PRLR: variants seen among roughly 807,000 people sequenced by gnomAD.
PRLR encodes hPRL receptor.
In PRLR, 13 loss-of-function variants were observed where a neutral mutation model predicts 40.2. The observed-to-expected ratio is 0.32, with a 90% confidence interval of 0.21 to 0.51. The LOEUF is 0.51. PRLR is among the 20% of genes least tolerant of loss of function. PRLR has a pLI of 0.97. For missense variants in PRLR, 656 were observed against 747.3 expected (o/e 0.88, Z 1.42); for synonymous variants, 269 against 278.7 (o/e 0.97, Z 0.35).
At chr5:35,119,505 G>A (rs950629794) in intron 1 of PRLR, among the ~76,000 whole-genome samples, 1 of 152,120 alleles carries the variant, frequency 6.6e-6, no homozygotes, top group Admixed American at 6.6e-5. Context: ...AGGGCCATCT[G>A]AGCATAAGAC....
At chr5:35,113,419 AT>A (rs1772807894) in intron 2 of PRLR, among the ~76,000 whole-genome samples, 2 of 145,244 alleles carry the variant, frequency 1.4e-5, no homozygotes, top group African/African-American at 2.6e-5. Context: ...CCATCCATCC[AT>A]CCACCCATCC....
rs114068040 is a variant in PRLR at position 35,202,986 on chromosome 5, G to T, written c.-106+27282C>A. Among the ~76,000 whole-genome samples, 811 of 152,254 alleles carry T rather than the reference G, an allele frequency of 5.3e-3. 10 individuals carry two copies. The highest frequency in any genetic ancestry group is 0.019 in the African/African-American group (769 of 41,548). The stretch of plus-strand genomic sequence containing the variant: ...ATCAAATAGGGACGTGTTGCAAAGT[G>T]AGCCCCCCATTGGCCTTGTTCTTAG... On this transcript the variant is annotated intron_variant, in intron 1 of 9. Coordinates refer to ENST00000618457, the MANE Select transcript of PRLR (RefSeq NM_000949.7).
At chr5:35,223,635 C>A (rs1362547873) in intron 1 of PRLR, among the ~76,000 whole-genome samples, 1 of 152,234 alleles carries the variant, frequency 6.6e-6, no homozygotes. Flanking sequence ...TCTACTTTGT[C>A]TTTCTTAATA....
intron 1 of PRLR, among the ~76,000 whole-genome samples, chr5:35,180,581 TTC>T (rs1775268963): frequency 6.6e-6 from 1 of 151,862 alleles, no homozygotes; most frequent in Non-Finnish European, 1.5e-5. Flanking sequence ...TTCTTTTCTT[TTC>T]CCCCCTTTTT....
In PRLR at chr5:35,058,378, G is replaced by A. The variant is rs1389631905; in HGVS notation, c.*6711C>T. 1.3e-5 allele frequency: 2 copies of A among 152,184 alleles called. No individual in the cohort carries two copies. The highest frequency in any genetic ancestry group is 2.9e-5 in the Non-Finnish European group (2 of 68,030). The allele number at this position is 152,184 out of a possible 1,614,324, so 9.4% of individuals were successfully genotyped here. A position where few individuals can be genotyped will look rare whatever the true frequency, so the allele number is the denominator to read the frequency against. On this transcript the variant is annotated 3_prime_UTR_variant, in exon 10 of 10. Coordinates refer to ENST00000618457, the MANE Select transcript of PRLR (RefSeq NM_000949.7). The stretch of plus-strand genomic sequence containing the variant: ...GGTTTCCACATGAGACTTTTCAATT[G>A]TTTAAAATGAACGATGAAGCACAAA...
At chr5:35,107,824 A>G (rs1772369716) in intron 2 of PRLR, among the ~76,000 whole-genome samples, 1 of 152,170 alleles carries the variant, frequency 6.6e-6, no homozygotes, top group African/African-American at 2.4e-5. Context: ...CATTCCTTCT[A>G]AACTATTCCA....
chr5:35,120,346 G>A (rs1179639864), intron 1 of PRLR, among the ~76,000 whole-genome samples: 1 of 152,140 alleles, frequency 6.6e-6, no homozygotes, highest in Admixed American at 6.5e-5. Flanking sequence ...CTACCCCTGG[G>A]CATGTAAAGA....
downstream of PRLR, among the ~76,000 whole-genome samples, chr5:35,051,962 G>A (rs1003182083): frequency 6.6e-6 from 1 of 152,054 alleles, no homozygotes; most frequent in Non-Finnish European, 1.5e-5. Flanking sequence ...ATAAATAAAG[G>A]GGATTGTATG....
chr5:35,135,271 C>G (rs1043434865), intron 1 of PRLR: 1 of 152,254 alleles, frequency 6.6e-6, no homozygotes, highest in Non-Finnish European at 1.5e-5. Flanking sequence ...AACCAGGGCA[C>G]AAGACACAAA....
chr5:35,209,456 C>T lies in PRLR; in HGVS notation c.-106+20812G>A, dbSNP rs549936236. On this transcript the variant is annotated intron_variant, in intron 1 of 9. Transcript: ENST00000618457. ...GGTAGTCAACAAAAATAAAAAAAAG[C>T]CTTCAAAGAAATCCAAAGAGTACTT... Among the ~76,000 whole-genome samples, 5 of 152,000 alleles carry T rather than the reference C, an allele frequency of 3.3e-5. No individual in the cohort carries two copies. The East Asian group carries it at 5.8e-4, about 18-fold the overall frequency.
At chr5:35,145,321 G>A (rs1434822941) in intron 1 of PRLR, among the ~76,000 whole-genome samples, 1 of 152,124 alleles carries the variant, frequency 6.6e-6, no homozygotes, top group Non-Finnish European at 1.5e-5. Context: ...TCTCTCCAGG[G>A]TCTGCTCCTC....
intron 1 of PRLR, among the ~76,000 whole-genome samples, chr5:35,119,709 T>C (rs367888748): frequency 1.3e-3 from 197 of 152,326 alleles, no homozygotes; most frequent in African/African-American, 4.5e-3. Context: ...ATTAGAGTTG[T>C]CCTGTTCTGT....
At chr5:35,128,412 AG>A (rs1773541202) in intron 1 of PRLR, among the ~76,000 whole-genome samples, 1 of 151,542 alleles carries the variant, frequency 6.6e-6, no homozygotes, top group African/African-American at 2.4e-5. Context: ...AATCATCTCT[AG>A]GTTACTTATA....
At chr5:35,096,247 G>C (rs1579635747) in intron 2 of PRLR, among the ~76,000 whole-genome samples, 1 of 152,360 alleles carries the variant, frequency 6.6e-6, no homozygotes, top group Non-Finnish European at 1.5e-5. Context: ...ATGGCTGGAA[G>C]TATTGCTTCC....
chr5:35,120,090 C>T (rs1561317568), intron 1 of PRLR, among the ~76,000 whole-genome samples: 1 of 152,110 alleles, frequency 6.6e-6, no homozygotes, highest in African/African-American at 2.4e-5. Flanking sequence ...GACTCCTGTG[C>T]CCTCCAGCTT....
intron 2 of PRLR, among the ~76,000 whole-genome samples, chr5:35,101,279 T>C (rs1474911652): frequency 6.6e-6 from 1 of 152,202 alleles, no homozygotes. Context: ...CATGTACAGA[T>C]CCACGGAAAC....
intron 1 of PRLR, among the ~76,000 whole-genome samples, chr5:35,182,642 A>C (rs1775324067): frequency 6.6e-6 from 1 of 152,226 alleles, no homozygotes; most frequent in Admixed American, 6.5e-5. Context: ...TGCTGTTTCC[A>C]CAGTGATAGA....
intron 1 of PRLR, among the ~76,000 whole-genome samples, chr5:35,209,138 C>T (rs2111634568): frequency 6.6e-6 from 1 of 151,230 alleles, no homozygotes; most frequent in Middle Eastern, 3.5e-3. Flanking sequence ...CACCATGTAT[C>T]AGTGTTTTTT....
intron 2 of PRLR, among the ~76,000 whole-genome samples, chr5:35,090,546 C>T (rs568064475): frequency 1.3e-4 from 20 of 152,072 alleles, no homozygotes; most frequent in South Asian, 1.0e-3. Context: ...TAGAAATGCA[C>T]GGCCTAAATT....
Sources: allele counts gnomAD v4.1 joint callset (sites outside exome capture counted in the v4.1 genomes callset), GRCh38; gene constraint gnomAD v4.1.1; transcripts MANE v1.5; gene names NCBI Gene and HGNC (gene_info 2026-07-23, HGNC 2026-07-21).